ZNF587: variants seen among roughly 807,000 people sequenced by gnomAD.
The protein encoded by ZNF587 is zinc finger protein zfp6.
A neutral mutation model predicts 7.5 loss-of-function variants in ZNF587; 8 were observed. The observed-to-expected ratio is 1.06, with a 90% CI of 0.62 to 1.92. The LOEUF (loss-of-function observed/expected upper bound fraction) is 1.92, where lower values mean the gene tolerates loss of function less well. Ranked by LOEUF, ZNF587 falls within the 40% of genes most tolerant of loss-of-function variation. The pLI is 0.00. For missense variants in ZNF587, 468 were observed against 692.8 expected, an observed-to-expected ratio of 0.68 and a Z score of 3.64; for synonymous variants, 145 against 237.8, an observed-to-expected ratio of 0.61 and a Z score of 3.59.
In ZNF587 at chr19:57,860,038, C is replaced by T. The variant is rs1396597192; in HGVS notation, c.1626C>T (p.His542=). 2 of 1,614,114 alleles carry T rather than the reference C, an allele frequency of 1.2e-6. No homozygotes were observed. The change falls in exon 3 of 3, where the codon CAC becomes CAT. Residue 542 remains histidine, a synonymous_variant. Transcript: ENST00000339656. ...GTCTCATTAAACACAGGAGAATTCA[C>T]ACTGGAGAAAGGCCTTATGAATGCA... The part of the protein sequence containing the change: ...CSSLIKHRRI[H]TGERPYECTK...
At chr19:57,850,192 G>C in intron 1 of ZNF587, 121 bp downstream of exon 1, 1 of 1,570,660 alleles carries the variant, frequency 6.4e-7, no homozygotes, top group South Asian at 1.1e-5. Flanking sequence ...ACACTGAGGC[G>C]CTCACAGGAG....
rs1555775628 is a variant in ZNF587, at chr19:57,861,789, T to TTTTTTTC, written c.*1649_*1650insTTTTTTC. 3 of 147,982 alleles carry TTTTTTTC rather than the reference T, an allele frequency of 2.0e-5. No individual in the cohort carries two copies. Among genetic ancestry groups the TTTTTTTC allele is most frequent in the African/African-American group, 5.2e-5 (2 of 38,258 alleles). 9.2% of individuals were successfully genotyped at this position (147,982 alleles called of 1,614,324 possible). ...TTTGGTTTTCTTTTTTTTTTTTTTTTCCAGATGGAGTCTAGCTCTGTCTCC... is the reference window on the plus strand; with the variant it reads ...TTTGGTTTTCTTTTTTTTTTTTTTTTTTTTTTCCCAGATGGAGTCTAGCTCTGTCTCC... On this transcript the variant is annotated 3_prime_UTR_variant, in exon 3 of 3. Transcript: ENST00000339656.
At chr19:57,855,034 A>G (rs1032326301) in intron 1 of ZNF587, among the ~76,000 whole-genome samples, 1 of 151,928 alleles carries the variant, frequency 6.6e-6, no homozygotes, top group Non-Finnish European at 1.5e-5. Flanking sequence ...AATACAAAAA[A>G]TTAGCCAGCT....
At chr19:57,856,361 T>C in intron 2 of ZNF587, 128 bp downstream of exon 2, 2 of 1,460,282 alleles carry the variant, frequency 1.4e-6, no homozygotes, top group South Asian at 1.5e-5. Context: ...TCTGTGTAAG[T>C]TGTGTGGTTC....
In ZNF587 at chr19:57,860,373, A is replaced by G. The variant is rs1198999397; in HGVS notation, c.*233A>G. ...AACTTGGGCCTCCTGGGTTCATGCAATCCTCCTACCTCAGCCTCCTGAGTA... is the reference window on the plus strand; with the variant it reads ...AACTTGGGCCTCCTGGGTTCATGCAGTCCTCCTACCTCAGCCTCCTGAGTA... On this transcript the variant is annotated 3_prime_UTR_variant, in exon 3 of 3. Coordinates refer to ENST00000339656, the MANE Select transcript of ZNF587 (RefSeq NM_032828.4). The G allele has an allele frequency of 3.9e-5, 26 of 668,150 alleles. No homozygotes were observed. The highest frequency in any genetic ancestry group is 5.5e-5 in the Non-Finnish European group (22 of 400,890). The allele number at this position is 668,150 out of a possible 1,614,324, so 41.4% of individuals were successfully genotyped here.
rs1167238268 is a variant in ZNF587, at chr19:57,852,409, A to T, written c.33+2338A>T. ...ATAGACTGTGGGTTGAGGGAAGAGG[A>T]AGAAAGGTCAGAGATAAGGCTCCTG... is the stretch of plus-strand genomic sequence containing the variant. On this transcript the variant is annotated intron_variant, in intron 1 of 2. Coordinates refer to ENST00000339656, the MANE Select transcript of ZNF587 (RefSeq NM_032828.4). The T allele has an allele frequency of 3.5e-5, 14 of 398,630 alleles. No homozygotes were observed. In the South Asian group the frequency reaches 3.8e-4, roughly 11 times the overall value. 24.7% of individuals were successfully genotyped at this position (398,630 alleles called of 1,614,324 possible).
chr19:57,859,881 G>C lies in ZNF587; in HGVS notation c.1469G>C (p.Arg490Thr). Residue 490 changes from arginine (R) to threonine (T), a missense_variant, in exon 3 of 3, where the codon AGG (arginine) becomes ACG (threonine). Arg to Thr is a moderately conservative substitution (Grantham distance 71). Transcript: ENST00000339656. ...TIHQRIHTGE[R>T]PYECSECGKS... The stretch of plus-strand genomic sequence containing the variant: ...CATCAGAGGATTCACACTGGAGAAA[G>C]GCCGTATGAATGCAGTGAATGTGGG... The C allele has an allele frequency of 1.2e-6, 2 of 1,614,220 alleles. No individual in the cohort carries two copies. The highest frequency in any genetic ancestry group is 1.7e-6 in the Non-Finnish European group (2 of 1,180,044).
rs1415693876 is a variant in ZNF587, at chr19:57,860,244, C to T, written c.*104C>T. Reference sequence around the variant, plus strand: ...TTATGAGTGCTGTCAATGTGGAAAACATCAGAATGTCTGCTGTCCTCGGTC... The same window carrying T: ...TTATGAGTGCTGTCAATGTGGAAAATATCAGAATGTCTGCTGTCCTCGGTC... On this transcript the variant is annotated 3_prime_UTR_variant, in exon 3 of 3. Coordinates refer to ENST00000339656, the MANE Select transcript of ZNF587 (RefSeq NM_032828.4). 6.3e-7 allele frequency: 1 copy of T among 1,592,840 alleles called. No individual in the cohort carries two copies.
chr19:57,854,935 G>A (rs1191213228), intron 1 of ZNF587, among the ~76,000 whole-genome samples: 8 of 151,686 alleles, frequency 5.3e-5, no homozygotes, highest in Admixed American at 3.3e-4. Flanking sequence ...CCAGCACTTT[G>A]GGATGCTGAG....
rs10405892 is a variant in ZNF587 at position 57,859,906 on chromosome 19, G to T, written c.1494G>T (p.Gly498=). Residue 498 remains glycine, a synonymous_variant, in exon 3 of 3, where the codon GGG becomes GGT. Transcript: ENST00000339656. Reference sequence around the variant, plus strand: ...GGCCGTATGAATGCAGTGAATGTGGGAAATCATTTCTTTCCAGCTCTGCGC... The same window carrying T: ...GGCCGTATGAATGCAGTGAATGTGGTAAATCATTTCTTTCCAGCTCTGCGC... ...GERPYECSEC[G]KSFLSSSALH... is the part of the protein sequence containing the mutation. The T allele has an allele frequency of 0.044, 59,237 of 1,333,490 alleles. 3,422 individuals are homozygous for T. Among genetic ancestry groups the T allele is most frequent in the African/African-American group, 0.31 (22,207 of 71,712 alleles). 82.6% of individuals were successfully genotyped at this position (1,333,490 alleles called of 1,614,324 possible). A position where few individuals can be genotyped will look rare whatever the true frequency, so the allele number is the denominator to read the frequency against.
At position 57,863,264 on chromosome 19, in the gene ZNF587, C is replaced by CAT. The variant is rs2071459816; in HGVS notation, c.*3124_*3125insAT. ...ACCTCTTTAGCTGGGATTACAGGTG[C>CAT]GTGCCACCACACCCAGCTAATTTTT... is the stretch of plus-strand genomic sequence containing the variant. On this transcript the variant is annotated 3_prime_UTR_variant, in exon 3 of 3. Coordinates refer to ENST00000339656, the MANE Select transcript of ZNF587 (RefSeq NM_032828.4). 2 of 152,204 alleles carry CAT rather than the reference C, an allele frequency of 1.3e-5. No homozygotes were observed. The highest frequency in any genetic ancestry group is 2.1e-4 in the South Asian group (1 of 4,824). 9.4% of individuals were successfully genotyped at this position (152,204 alleles called of 1,614,324 possible).
At chr19:57,850,192 G>A (rs948531453) in intron 1 of ZNF587, 121 bp downstream of exon 1, 7 of 1,570,654 alleles carry the variant, frequency 4.5e-6, no homozygotes, top group Non-Finnish European at 5.2e-6. Context: ...ACACTGAGGC[G>A]CTCACAGGAG....
chr19:57,856,374 A>C, intron 2 of ZNF587, 141 bp downstream of exon 2: 1 of 1,372,652 alleles, frequency 7.3e-7, no homozygotes, highest in East Asian at 2.6e-5. Context: ...TGTGGTTCGT[A>C]GGAGTAAGGT....
rs1295976987 is a variant in ZNF587, at chr19:57,862,421, T to C, written c.*2281T>C. ...TATGTGTTCTGAGGCTTTTGTCTTC[T>C]AGCTACTTACTTCATTCTCCATGGG... On this transcript the variant is annotated 3_prime_UTR_variant, in exon 3 of 3. Coordinates refer to ENST00000339656, the MANE Select transcript of ZNF587 (RefSeq NM_032828.4). The C allele has an allele frequency of 2.0e-5, 3 of 152,290 alleles. No homozygotes were observed. Among genetic ancestry groups the C allele is most frequent in the Non-Finnish European group, 4.4e-5 (3 of 68,054 alleles). 9.4% of individuals were successfully genotyped at this position (152,290 alleles called of 1,614,324 possible).
chr19:57,860,664 T>C lies in ZNF587; in HGVS notation c.*524T>C, dbSNP rs772840472. The C allele has an allele frequency of 1.8e-4, 29 of 160,690 alleles. No individual in the cohort carries two copies. The highest frequency in any genetic ancestry group is 5.5e-4 in the East Asian group (3 of 5,494). 10.0% of individuals were successfully genotyped at this position (160,690 alleles called of 1,614,324 possible). On this transcript the variant is annotated 3_prime_UTR_variant, in exon 3 of 3. Coordinates refer to ENST00000339656, the MANE Select transcript of ZNF587 (RefSeq NM_032828.4). The stretch of plus-strand genomic sequence containing the variant: ...TGCTTTGGGAGGACAAGGTGGTTCA[T>C]TGGAGGCCAGGAGTTAGAGATCAGC...
chr19:57,850,638 T>C, intron 1 of ZNF587: 1 of 399,590 alleles, frequency 2.5e-6, no homozygotes, highest in East Asian at 3.6e-5. Context: ...CCCCGAGTCC[T>C]GCGGAGACAA....
intron 1 of ZNF587, among the ~76,000 whole-genome samples, chr19:57,855,197 T>G (rs767004719): frequency 6.6e-6 from 1 of 151,048 alleles, no homozygotes; most frequent in Non-Finnish European, 1.5e-5. Flanking sequence ...AAAAAAAAAT[T>G]AGCCGAGTGT....
intron 1 of ZNF587, among the ~76,000 whole-genome samples, chr19:57,853,458 A>G (rs1200177645): frequency 6.6e-6 from 1 of 152,184 alleles, no homozygotes. Context: ...TTATGGGTCC[A>G]TTTAGGAGGA....
intron 1 of ZNF587, chr19:57,853,991 T>C (rs1221547041): frequency 4.6e-5 from 7 of 152,202 alleles, no homozygotes; most frequent in African/African-American, 1.7e-4. Context: ...CCTGACCGGG[T>C]GATCTGCCTG....
Sources: allele counts gnomAD v4.1 joint callset (sites outside exome capture counted in the v4.1 genomes callset), GRCh38; gene constraint gnomAD v4.1.1; transcripts MANE v1.5; gene names NCBI Gene and HGNC (gene_info 2026-07-23, HGNC 2026-07-21).